Variants in RFX7 observed in about 807,000 individuals in gnomAD.
RFX7 encodes DNA-binding protein RFX7.
In RFX7, 26 loss-of-function variants were observed where a neutral mutation model predicts 111.8. The ratio of observed to expected loss-of-function variants is 0.23; its 90% CI spans 0.17 to 0.32. The LOEUF is 0.32. RFX7 is among the 10% of genes least tolerant of loss of function. The probability of loss-of-function intolerance (pLI) is 1.00; values close to 1 mark genes in which losing one functional copy is unlikely to be tolerated. For missense variants in RFX7, 1,573 were observed against 1,772.9 expected (o/e 0.89, Z 2.02); for synonymous variants, 624 against 624.4 (o/e 1.00, Z 0.01).
At chr15:56,140,436 G>A (rs2042375588) in intron 5 of RFX7, among the ~76,000 whole-genome samples, 1 of 152,208 alleles carries the variant, frequency 6.6e-6, no homozygotes, top group Admixed American at 6.5e-5. Flanking sequence ...CTGACCCCTT[G>A]CGCTTCCCAA....
chr15:56,240,599 C>G (rs1255314943), intron 2 of RFX7, among the ~76,000 whole-genome samples: 1 of 152,066 alleles, frequency 6.6e-6, no homozygotes, highest in Non-Finnish European at 1.5e-5. Context: ...CAAGTACAGA[C>G]TTGTTTGTGA....
At chr15:56,168,617 C>T (rs2042809625) in intron 3 of RFX7, among the ~76,000 whole-genome samples, 1 of 152,122 alleles carries the variant, frequency 6.6e-6, no homozygotes, top group African/African-American at 2.4e-5. Context: ...CTAACCACCA[C>T]ATTCTTTTTC....
In RFX7 at chr15:56,095,799, G is replaced by A. The variant is rs181281880; in HGVS notation, c.1929C>T (p.Asp643=). The change falls in exon 10 of 10, where the codon GAC becomes GAT. Residue 643 remains aspartate, a synonymous_variant. Coordinates refer to ENST00000559447, the MANE Select transcript of RFX7 (RefSeq NM_022841.7). ...ATAATTTAGGGTCTTTATTGATTGAGTCACCATTAGGTGGTGAGCTGCTGC... is the reference window on the plus strand; with the variant it reads ...ATAATTTAGGGTCTTTATTGATTGAATCACCATTAGGTGGTGAGCTGCTGC... ...FTSSSSPPNG[D]SINKDPKLCT... The A allele has an allele frequency of 6.2e-6, 10 of 1,612,572 alleles. No individual in the cohort carries two copies. The East Asian group carries it at 8.9e-5, about 14-fold the overall frequency.
chr15:56,170,754 A>G (rs1280007225), intron 3 of RFX7, among the ~76,000 whole-genome samples: 1 of 152,222 alleles, frequency 6.6e-6, no homozygotes, highest in Non-Finnish European at 1.5e-5. Context: ...ACTGATTACC[A>G]TATTGAATAG....
Position 56,243,560 on chromosome 15 carries a change from GC to G in RFX7, c.-119del, listed in dbSNP as rs1359531148. ...GGGAGAGGCATGGCGGCGCCCCTCA[GC>G]CCCCCGCTGGCGCCGCCGCCTCCTC... On this transcript the variant is annotated 5_prime_UTR_variant, in exon 1 of 10. Coordinates refer to ENST00000559447, the MANE Select transcript of RFX7 (RefSeq NM_022841.7). The G allele has an allele frequency of 6.2e-6, 6 of 966,176 alleles. No homozygotes were observed. The highest frequency in any genetic ancestry group is 7.4e-6 in the Non-Finnish European group (6 of 813,610). The allele number at this position is 966,176 out of a possible 1,614,324, so 59.9% of individuals were successfully genotyped here. A position where few individuals can be genotyped will look rare whatever the true frequency, so the allele number is the denominator to read the frequency against.
At chr15:56,207,305 TAC>T (rs1478920238) in intron 2 of RFX7, among the ~76,000 whole-genome samples, 2 of 152,152 alleles carry the variant, frequency 1.3e-5, no homozygotes, top group Non-Finnish European at 2.9e-5. Flanking sequence ...GTTTAATGGG[TAC>T]AGAGTTTCAA....
intron 5 of RFX7, among the ~76,000 whole-genome samples, chr15:56,112,007 C>T (rs1401030791): frequency 2.0e-5 from 3 of 151,528 alleles, no homozygotes; most frequent in African/African-American, 7.3e-5. Context: ...CCCAGCTACT[C>T]GGGAGGCTGA....
chr15:56,191,136 T>C (rs532119085), intron 2 of RFX7, among the ~76,000 whole-genome samples: 6 of 152,190 alleles, frequency 3.9e-5, no homozygotes, highest in Non-Finnish European at 8.8e-5. Context: ...GGTAGGGATG[T>C]AAAAGAAGAG....
intron 5 of RFX7, among the ~76,000 whole-genome samples, chr15:56,117,704 CAT>C (rs769037250): frequency 3.9e-5 from 6 of 152,258 alleles, no homozygotes; most frequent in East Asian, 1.9e-4. Context: ...TCAACTTCCA[CAT>C]ATGAGTGAGA....
At chr15:56,097,339 C>T (rs935075666) in intron 9 of RFX7, among the ~76,000 whole-genome samples, 4 of 152,112 alleles carry the variant, frequency 2.6e-5, no homozygotes, top group African/African-American at 9.7e-5. Flanking sequence ...GGCCAAGGTT[C>T]TAGTCCTGTA....
At chr15:56,105,473 G>T (rs147057933) in intron 5 of RFX7, among the ~76,000 whole-genome samples, 59 of 152,246 alleles carry the variant, frequency 3.9e-4, no homozygotes, top group African/African-American at 1.4e-3. Flanking sequence ...CACATTAAAA[G>T]ACTTAAAAAA....
At chr15:56,157,196 C>T (rs530379062) in intron 3 of RFX7, among the ~76,000 whole-genome samples, 2 of 152,276 alleles carry the variant, frequency 1.3e-5, no homozygotes, top group East Asian at 1.9e-4. Flanking sequence ...CTTGTGATAT[C>T]GAAGTTTGTC....
chr15:56,189,098 C>T (rs1595997389), intron 2 of RFX7, among the ~76,000 whole-genome samples: 2 of 152,170 alleles, frequency 1.3e-5, no homozygotes, highest in South Asian at 2.1e-4. Flanking sequence ...GGATTACAAG[C>T]GTGAGGCACT....
At chr15:56,194,628 AT>A (rs1445931302) in intron 2 of RFX7, among the ~76,000 whole-genome samples, 2 of 151,756 alleles carry the variant, frequency 1.3e-5, no homozygotes, top group East Asian at 3.8e-4. Context: ...AATTTTTTAT[AT>A]TTAAAAAAAT....
intron 2 of RFX7, chr15:56,192,782 A>G (rs1404796752): frequency 8.9e-6 from 2 of 224,554 alleles, no homozygotes; most frequent in Admixed American, 8.2e-5. Context: ...GGTTGAGTAA[A>G]TGGAGGCCAG....
chr15:56,137,739 C>T (rs1300893703), intron 5 of RFX7, among the ~76,000 whole-genome samples: 2 of 151,980 alleles, frequency 1.3e-5, no homozygotes, highest in African/African-American at 4.8e-5. Context: ...CCTGCATTCT[C>T]TTGTGGGCAT....
At chr15:56,118,990 T>C (rs1252279339) in intron 5 of RFX7, among the ~76,000 whole-genome samples, 2 of 152,270 alleles carry the variant, frequency 1.3e-5, no homozygotes, top group Non-Finnish European at 2.9e-5. Context: ...CTGTATGTCT[T>C]CTGAGAAATG....
chr15:56,121,846 C>T (rs531454802), intron 5 of RFX7, among the ~76,000 whole-genome samples: 1 of 152,154 alleles, frequency 6.6e-6, no homozygotes, highest in South Asian at 2.1e-4. Context: ...TTGCATCTTT[C>T]AACTCCAGAA....
intron 3 of RFX7, among the ~76,000 whole-genome samples, chr15:56,157,612 G>A (rs1309044959): frequency 6.6e-6 from 1 of 152,234 alleles, no homozygotes; most frequent in Non-Finnish European, 1.5e-5. Flanking sequence ...ACGGAGTCTT[G>A]CTCTCTTGCC....
Sources: allele counts gnomAD v4.1 joint callset (sites outside exome capture counted in the v4.1 genomes callset), GRCh38; gene constraint gnomAD v4.1.1; transcripts MANE v1.5; gene names NCBI Gene and HGNC (gene_info 2026-07-23, HGNC 2026-07-21).